Variants in DRD3 observed in about 807,000 individuals in gnomAD.
DRD3 encodes the protein dopamine receptor D3.
A neutral mutation model predicts 36.3 loss-of-function variants in DRD3; 19 were observed. That is an observed-to-expected ratio of 0.52 (90% CI 0.36 to 0.77). DRD3 has a LOEUF of 0.77. DRD3 is among the 30% of genes least tolerant of loss of function. The probability of loss-of-function intolerance (pLI) is 0.00; values close to 1 mark genes in which losing one functional copy is unlikely to be tolerated. For synonymous variants in DRD3, 195 were observed against 203.7 expected, an observed-to-expected ratio of 0.96 and a Z score of 0.36; for missense variants, 465 against 505.3, an observed-to-expected ratio of 0.92 and a Z score of 0.77.
chr3:114,160,714 T>C (rs2077724757), intron 2 of DRD3, among the ~76,000 whole-genome samples: 1 of 152,230 alleles, frequency 6.6e-6, no homozygotes, highest in African/African-American at 2.4e-5. Flanking sequence ...TTGTAAAGCT[T>C]GGAAACATTC....
chr3:114,190,449 TATATATATATATA>T (rs1187178982), intron 1 of DRD3, among the ~76,000 whole-genome samples: 80 of 13,684 alleles, frequency 5.8e-3, no homozygotes, highest in African/African-American at 7.5e-3. Flanking sequence ...TATATATATA[TATATATATATATA>T]TTTTTTTTTT....
intron 3 of DRD3, among the ~76,000 whole-genome samples, chr3:114,151,799 G>A (rs890493022): frequency 6.6e-6 from 1 of 152,200 alleles, no homozygotes; most frequent in Non-Finnish European, 1.5e-5. Flanking sequence ...TGTTTCTCCT[G>A]AGTGCCCTCC....
At chr3:114,194,892 A>ACC (rs1251353823) in intron 1 of DRD3, among the ~76,000 whole-genome samples, 1 of 151,672 alleles carries the variant, frequency 6.6e-6, no homozygotes, top group Non-Finnish European at 1.5e-5. Flanking sequence ...ATTTGTTACT[A>ACC]ATGTTCAGAG....
chr3:114,166,605 G>A (rs2077787465), intron 2 of DRD3, among the ~76,000 whole-genome samples: 1 of 152,192 alleles, frequency 6.6e-6, no homozygotes, highest in South Asian at 2.1e-4. Flanking sequence ...CTCCAGAACT[G>A]TAAGAAATAA....
intron 2 of DRD3, among the ~76,000 whole-genome samples, chr3:114,167,724 C>T (rs1228632722): frequency 1.3e-5 from 2 of 152,148 alleles, no homozygotes; most frequent in Non-Finnish European, 2.9e-5. Context: ...ATAAATAGTC[C>T]CTAGATGCCA....
Position 114,139,711 on chromosome 3 carries a change from G to T in DRD3, c.527-15C>A. 2 of 1,612,734 alleles carry T rather than the reference G, an allele frequency of 1.2e-6. No homozygotes were observed. Among genetic ancestry groups the T allele is most frequent in the Non-Finnish European group, 1.7e-6 (2 of 1,179,122 alleles). Reference sequence around the variant, plus strand: ...AGTGGGGTCCCCTGTGGATGAGAAGGGGGAAGGTAAAGCAGTTAGCAAGTA... The same window carrying T: ...AGTGGGGTCCCCTGTGGATGAGAAGTGGGAAGGTAAAGCAGTTAGCAAGTA... On this transcript the variant is annotated splice_polypyrimidine_tract_variant and intron_variant, in intron 4 of 6. Coordinates refer to ENST00000383673, the MANE Select transcript of DRD3 (RefSeq NM_000796.6).
chr3:114,182,713 G>GCGATTCT (rs980069065), upstream of DRD3, among the ~76,000 whole-genome samples: 1 of 152,012 alleles, frequency 6.6e-6, no homozygotes, highest in African/African-American at 2.4e-5. Flanking sequence ...CCAGGTTTAA[G>GCGATTCT]CGATTCTCTA....
At chr3:114,161,542 C>A (rs375580801) in intron 2 of DRD3, among the ~76,000 whole-genome samples, 3 of 152,136 alleles carry the variant, frequency 2.0e-5, no homozygotes, top group South Asian at 2.1e-4. Flanking sequence ...TTTGAGAAAC[C>A]CTGACCAATG....
intron 1 of DRD3, among the ~76,000 whole-genome samples, chr3:114,185,909 G>T (rs556591379): frequency 6.6e-6 from 1 of 152,156 alleles, no homozygotes; most frequent in South Asian, 2.1e-4. Context: ...GTAATTTTTT[G>T]TTGAAAAACA....
chr3:114,159,773 C>T lies in DRD3; in HGVS notation c.365G>A (p.Cys122Tyr), dbSNP rs1369997674. 1.9e-6 allele frequency: 3 copies of T among 1,613,872 alleles called. No individual in the cohort carries two copies. Among genetic ancestry groups the T allele is most frequent in the Non-Finnish European group, 2.5e-6 (3 of 1,179,938 alleles). ...GCCCTACCTGTCTATGCTGATGGCACAGAGATTAAGGATGCTGGCTGTACA... is the reference window on the plus strand; with the variant it reads ...GCCCTACCTGTCTATGCTGATGGCATAGAGATTAAGGATGCTGGCTGTACA... ...MMCTASILNL[C>Y]AISIDRYTAV... The change falls in exon 3 of 7, where the codon TGT (cysteine) becomes TAT (tyrosine). Residue 122 changes from cysteine to tyrosine, a missense_variant. Cys to Tyr is a radical substitution (Grantham distance 194). Coordinates refer to ENST00000383673, the MANE Select transcript of DRD3 (RefSeq NM_000796.6).
intron 4 of DRD3, among the ~76,000 whole-genome samples, chr3:114,144,179 G>C (rs1482382138): frequency 1.3e-5 from 2 of 152,244 alleles, no homozygotes; most frequent in Non-Finnish European, 2.9e-5. Flanking sequence ...GAGAACAGGA[G>C]CAACTCCAAG....
intron 1 of DRD3, among the ~76,000 whole-genome samples, chr3:114,190,719 C>T (rs1162665214): frequency 6.6e-6 from 1 of 151,248 alleles, no homozygotes; most frequent in African/African-American, 2.4e-5. Flanking sequence ...TGTCATGGTA[C>T]TGTTTTATAG....
intron 5 of DRD3, among the ~76,000 whole-genome samples, chr3:114,139,171 C>A (rs1222825178): frequency 2.0e-5 from 3 of 152,184 alleles, no homozygotes; most frequent in African/African-American, 4.8e-5. Flanking sequence ...GTGCAAGGTA[C>A]AACTGCTGCA....
chr3:114,132,919 A>C (rs912169839), intron 5 of DRD3, among the ~76,000 whole-genome samples: 1 of 152,236 alleles, frequency 6.6e-6, no homozygotes, highest in Non-Finnish European at 1.5e-5. Context: ...TTGGACATTT[A>C]ATGATATTAG....
chr3:114,141,825 G>T (rs188509297), intron 4 of DRD3, among the ~76,000 whole-genome samples: 1 of 152,188 alleles, frequency 6.6e-6, no homozygotes, highest in East Asian at 1.9e-4. Flanking sequence ...GCCGAGGCAG[G>T]TGGATCACAA....
intron 3 of DRD3, among the ~76,000 whole-genome samples, chr3:114,159,143 A>C (rs775051200): frequency 1.3e-5 from 2 of 152,190 alleles, no homozygotes; most frequent in Non-Finnish European, 2.9e-5. Context: ...CAGAGAGAGG[A>C]GTCAAAATCA....
intron 1 of DRD3, among the ~76,000 whole-genome samples, chr3:114,173,186 C>T (rs558994717): frequency 2.7e-4 from 41 of 152,250 alleles, no homozygotes; most frequent in African/African-American, 8.4e-4. Context: ...AAAGCAGGCC[C>T]TCACCAGACA....
upstream of DRD3, among the ~76,000 whole-genome samples, chr3:114,181,486 AC>A (rs1638795150): frequency 6.6e-6 from 1 of 152,202 alleles, no homozygotes; most frequent in African/African-American, 2.4e-5. Flanking sequence ...AGTAAGTGGA[AC>A]CCTTATTCAT....
intron 1 of DRD3, among the ~76,000 whole-genome samples, chr3:114,190,044 G>T (rs575878694): frequency 1.3e-5 from 2 of 152,088 alleles, no homozygotes; most frequent in Non-Finnish European, 2.9e-5. Flanking sequence ...AAAAGCCGGA[G>T]TAACCTGTGG....
Sources: gnomAD v4.1 joint callset for allele counts (sites outside exome capture counted in the v4.1 genomes callset) on GRCh38, gnomAD v4.1.1 for gene constraint, MANE v1.5 for transcripts, NCBI Gene and HGNC (gene_info 2026-07-23, HGNC 2026-07-21) for gene names.